Variants in CLMN observed in about 807,000 individuals in gnomAD.
CLMN encodes the protein calmin (calponin-like, transmembrane).
In CLMN, 57 loss-of-function variants were observed where a neutral mutation model predicts 92.7. The observed-to-expected ratio is 0.61, with a 90% confidence interval of 0.50 to 0.77. The LOEUF (loss-of-function observed/expected upper bound fraction) is 0.77, where lower values mean the gene tolerates loss of function less well. Among genes scored for constraint, CLMN ranks in the 30% least tolerant of loss-of-function variants. The pLI is 0.00. For synonymous variants in CLMN, 466 were observed against 470.6 expected, an observed-to-expected ratio of 0.99 and a Z score of 0.13; for missense variants, 1,158 against 1,237.5, an observed-to-expected ratio of 0.94 and a Z score of 0.96.
At chr14:95,278,826 G>A (rs1444211180) in intron 1 of CLMN, among the ~76,000 whole-genome samples, 1 of 152,090 alleles carries the variant, frequency 6.6e-6, no homozygotes, top group Non-Finnish European at 1.5e-5. Context: ...GGACTCCTAT[G>A]GGGGATGTGC....
chr14:95,232,376 A>G (rs889283143), intron 1 of CLMN, among the ~76,000 whole-genome samples: 7 of 152,362 alleles, frequency 4.6e-5, no homozygotes, highest in African/African-American at 1.7e-4. Flanking sequence ...ATGAGAGCCA[A>G]TTGATCTCCT....
At chr14:95,310,658 C>T (rs1208457248) in intron 1 of CLMN, among the ~76,000 whole-genome samples, 5 of 152,186 alleles carry the variant, frequency 3.3e-5, no homozygotes, top group South Asian at 4.1e-4. Context: ...CACTCAGAGG[C>T]GGGCTCAGAG....
At chr14:95,217,323 T>C (rs551785664) in intron 4 of CLMN, among the ~76,000 whole-genome samples, 1 of 152,342 alleles carries the variant, frequency 6.6e-6, no homozygotes, top group East Asian at 1.9e-4. Flanking sequence ...CTGTCTGACA[T>C]GGGTCTCTGA....
chr14:95,258,672 T>A (rs1451917751), intron 1 of CLMN, among the ~76,000 whole-genome samples: 3 of 144,066 alleles, frequency 2.1e-5, no homozygotes, highest in South Asian at 2.2e-4. Context: ...TGTGGAGATA[T>A]GTGTATATGT....
intron 1 of CLMN, among the ~76,000 whole-genome samples, chr14:95,249,736 C>T (rs1041729750): frequency 1.3e-5 from 2 of 152,206 alleles, no homozygotes; most frequent in Non-Finnish European, 1.5e-5. Flanking sequence ...GGACTACAGG[C>T]GTGCACCATC....
Position 95,203,453 on chromosome 14 carries a change from A to T in CLMN, c.1896T>A (p.His632Gln). 3 of 1,614,018 alleles carry T rather than the reference A, an allele frequency of 1.9e-6. No homozygotes were observed. The highest frequency in any genetic ancestry group is 2.5e-6 in the Non-Finnish European group (3 of 1,180,018). The change falls in exon 9 of 13, where the codon CAT becomes CAA. Residue 632 changes from histidine (H) to glutamine (Q), a missense_variant. His to Gln is a conservative substitution (Grantham distance 24). Coordinates refer to ENST00000298912, the MANE Select transcript of CLMN (RefSeq NM_024734.4). Reference sequence around the variant, plus strand: ...CTTCAGCTTCTTCTCCGGAGTCCTGATGAGGTTCATGTTTGTCCATCTTAA... The same window carrying T: ...CTTCAGCTTCTTCTCCGGAGTCCTGTTGAGGTTCATGTTTGTCCATCTTAA... ...PQVKMDKHEP[H>Q]QDSGEEAEGC...
chr14:95,278,910 G>A (rs114221133), intron 1 of CLMN, among the ~76,000 whole-genome samples: 4,030 of 152,188 alleles, frequency 0.026, 192 homozygotes, highest in African/African-American at 0.093. Context: ...AGCTGTGCCC[G>A]CTTATTAGGC....
At position 95,202,828 on chromosome 14, in the gene CLMN, G is replaced by A. The variant is rs138296892; in HGVS notation, c.2511+10C>T. ...AGGACCCAGGGTTCCCAAATCCCAC[G>A]GTTGAGTACCTGATGGCTGTCCATG... On this transcript the variant is annotated intron_variant, in intron 9 of 12. Coordinates refer to ENST00000298912, the MANE Select transcript of CLMN (RefSeq NM_024734.4). 3.2e-4 allele frequency: 480 copies of A among 1,511,520 alleles called. 1 individual carries two copies. In the African/African-American group the frequency reaches 5.5e-3, roughly 17 times the overall value. 93.6% of individuals were successfully genotyped at this position (1,511,520 alleles called of 1,614,324 possible). A position where few individuals can be genotyped will look rare whatever the true frequency, so the allele number is the denominator to read the frequency against.
At position 95,213,320 on chromosome 14, in the gene CLMN, G is replaced by A; in HGVS notation, c.507C>T (p.Phe169=). ...TCCTCTCTGCAGTGGGTGTGGGTGG[G>A]AAGGATGAGTCTGAGTCTGTGCCCC... The part of the protein sequence containing the change: ...GSGGTDSDSS[F]PPTPTAERSV... The change falls in exon 6 of 13, where the codon TTC becomes TTT. Residue 169 remains phenylalanine (F), a synonymous_variant. Transcript: ENST00000298912. 6.2e-7 allele frequency: 1 copy of A among 1,614,018 alleles called. No individual in the cohort carries two copies. Among genetic ancestry groups the A allele is most frequent in the South Asian group, 1.1e-5 (1 of 91,030 alleles).
intron 12 of CLMN, 36 bp downstream of exon 12, chr14:95,193,813 T>C (rs1463907569): frequency 6.2e-7 from 1 of 1,610,866 alleles, no homozygotes; most frequent in Admixed American, 1.7e-5. Flanking sequence ...AACATTTTAT[T>C]ACTACCCCCA....
At chr14:95,278,076 C>T (rs550764128) in intron 1 of CLMN, among the ~76,000 whole-genome samples, 3 of 152,330 alleles carry the variant, frequency 2.0e-5, no homozygotes, top group Non-Finnish European at 2.9e-5. Flanking sequence ...AAGTTCCTTT[C>T]TCTGAGCTAC....
At chr14:95,196,750 G>A (rs1896727239) in intron 9 of CLMN, 56 bp from the exon 10 acceptor site, 1 of 1,546,882 alleles carries the variant, frequency 6.5e-7, no homozygotes, top group East Asian at 2.2e-5. Context: ...GTGTAAAGTA[G>A]GTGACATCAC....
chr14:95,209,379 A>C lies in CLMN; in HGVS notation c.885+16T>G. 6.2e-7 allele frequency: 1 copy of C among 1,612,912 alleles called. No individual in the cohort carries two copies. The highest frequency in any genetic ancestry group is 8.5e-7 in the Non-Finnish European group (1 of 1,178,932). On this transcript the variant is annotated intron_variant, in intron 8 of 12. Transcript: ENST00000298912. ...ATGTATGGTGTCGGAATTAAAGGTA[A>C]GAAAAGCAAACATACGGCTTCCAAC...
intron 9 of CLMN, among the ~76,000 whole-genome samples, chr14:95,202,558 A>T (rs1165010540): frequency 4.6e-5 from 7 of 152,152 alleles, no homozygotes. Flanking sequence ...CTCAAAGGTG[A>T]CCTCACTTGA....
chr14:95,287,512 C>G (rs1204197291), intron 1 of CLMN, among the ~76,000 whole-genome samples: 2 of 152,172 alleles, frequency 1.3e-5, no homozygotes, highest in Non-Finnish European at 2.9e-5. Context: ...CAGCACCCTT[C>G]CTGCAGTGCC....
rs1356922771 is a variant in CLMN, at chr14:95,259,420, G to A, written c.83-29287C>T. On this transcript the variant is annotated intron_variant, in intron 1 of 12. Coordinates refer to ENST00000298912, the MANE Select transcript of CLMN (RefSeq NM_024734.4). This position sits in a 1 kb window ranked among gnomAD's most constrained non-coding sequence, Gnocchi z 4.3. The stretch of plus-strand genomic sequence containing the variant: ...AGGAAATGTGCGTGGACAAACCTCC[G>A]GGTTACCAGAATGTGCACTTTATGA... Among the ~76,000 whole-genome samples the A allele has an allele frequency of 2.6e-5, 4 of 152,238 alleles. No homozygotes were observed. The highest frequency in any genetic ancestry group is 1.9e-4 in the East Asian group (1 of 5,186).
chr14:95,317,620 A>G (rs1901846992), intron 1 of CLMN, among the ~76,000 whole-genome samples: 2 of 150,982 alleles, frequency 1.3e-5, no homozygotes, highest in African/African-American at 4.9e-5. Context: ...AAAAGGCCAG[A>G]GTACATACTG....
chr14:95,285,775 C>T (rs7161580), intron 1 of CLMN, among the ~76,000 whole-genome samples: 70,819 of 151,876 alleles, frequency 0.47, 17,876 homozygotes, highest in East Asian at 0.63. Context: ...ATGTAACAGG[C>T]GAGATCACTG....
chr14:95,214,482 T>G (rs1331631841), intron 5 of CLMN, among the ~76,000 whole-genome samples: 1 of 151,818 alleles, frequency 6.6e-6, no homozygotes, highest in African/African-American at 2.4e-5. Context: ...TCCAAGTTGC[T>G]GGGATTACAG....
Sources: allele counts gnomAD v4.1 joint callset (sites outside exome capture counted in the v4.1 genomes callset), GRCh38; gene constraint gnomAD v4.1.1; non-coding constraint Gnocchi (gnomAD v3.1); transcripts MANE v1.5; gene names NCBI Gene and HGNC (gene_info 2026-07-23, HGNC 2026-07-21).